CCDC181: variants seen among roughly 807,000 people sequenced by gnomAD.
The protein encoded by CCDC181 is coiled-coil domain containing 181.
CCDC181 carries 35 observed loss-of-function variants against 58.7 expected under a neutral mutation model. The observed-to-expected ratio is 0.60, with a 90% CI of 0.46 to 0.79. The LOEUF (loss-of-function observed/expected upper bound fraction) is 0.79. CCDC181 is among the 30% of genes least tolerant of loss of function. The pLI, the probability that CCDC181 is intolerant of heterozygous loss-of-function variation, is 0.00. For missense variants in CCDC181, 517 were observed against 583.9 expected, an observed-to-expected ratio of 0.89 and a Z score of 1.18; for synonymous variants, 183 against 197.5, an observed-to-expected ratio of 0.93 and a Z score of 0.62.
intron 4 of CCDC181, among the ~76,000 whole-genome samples, chr1:169,410,616 T>C (rs1174685739): frequency 1.3e-5 from 2 of 152,206 alleles, no homozygotes; most frequent in Non-Finnish European, 2.9e-5. Flanking sequence ...ATTGCACTTA[T>C]TCTAAAATTG....
intron 4 of CCDC181, among the ~76,000 whole-genome samples, chr1:169,418,205 T>C (rs1481183477): frequency 4.6e-5 from 7 of 152,200 alleles, no homozygotes; most frequent in Non-Finnish European, 1.0e-4. Flanking sequence ...ATGTACCTCT[T>C]CACTACAGCA....
At chr1:169,428,775 C>T (rs10465577), upstream of CCDC181, among the ~76,000 whole-genome samples, 1 of 152,098 alleles carries the variant, frequency 6.6e-6, no homozygotes, top group African/African-American at 2.4e-5. Context: ...TGTGCCTTAG[C>T]CCCCAGAGTA....
At chr1:169,428,782 A>G (rs906116709), upstream of CCDC181, among the ~76,000 whole-genome samples, 1 of 152,146 alleles carries the variant, frequency 6.6e-6, no homozygotes, top group African/African-American at 2.4e-5. Flanking sequence ...TAGCCCCCAG[A>G]GTAGCTGAAA....
At chr1:169,419,226 G>C (rs779625470) in intron 3 of CCDC181, 67 bp from the exon 4 acceptor site, 4 of 1,429,858 alleles carry the variant, frequency 2.8e-6, no homozygotes, top group Non-Finnish European at 2.8e-6. Flanking sequence ...TCAGAGTAGA[G>C]AGATATATTT....
chr1:169,436,637 GCA>G (rs1190624895), intron 2 of CCDC181, among the ~76,000 whole-genome samples: 2 of 152,160 alleles, frequency 1.3e-5, no homozygotes, highest in African/African-American at 4.8e-5. Context: ...ACATTAAATT[GCA>G]ATATCGTACA....
intron 4 of CCDC181, among the ~76,000 whole-genome samples, chr1:169,407,080 T>G (rs1288292673): frequency 1.4e-5 from 2 of 146,094 alleles, no homozygotes; most frequent in African/African-American, 2.5e-5. Context: ...AAAAAGCCTT[T>G]GAAGAAACAG....
chr1:169,423,063 T>A (rs915303446), intron 2 of CCDC181, among the ~76,000 whole-genome samples: 5 of 34,464 alleles, frequency 1.5e-4, no homozygotes, highest in Admixed American at 1.4e-3. Context: ...TATAAATATT[T>A]TATATATATA....
chr1:169,421,559 A>C lies in CCDC181; in HGVS notation c.872T>G (p.Ile291Ser). ...HSSTGEPLAY[I>S]AQPPLNRKTC... ...CTTGCGGTTGAGTGGTGGCTGAGCG[A>C]TATAAGCCAGCGGCTCTCCTGTTGA... The change falls in exon 3 of 6, where the codon ATC (isoleucine) becomes AGC (serine). Residue 291 changes from isoleucine to serine, a missense_variant. Physicochemically the swap from Ile to Ser is moderately radical, Grantham distance 142. Transcript: ENST00000367806. 1 of 1,614,098 alleles carries C rather than the reference A, an allele frequency of 6.2e-7. No homozygotes were observed. The highest frequency in any genetic ancestry group is 8.5e-7 in the Non-Finnish European group (1 of 1,180,002).
chr1:169,436,605 T>C (rs575686761), intron 2 of CCDC181, among the ~76,000 whole-genome samples: 1 of 152,316 alleles, frequency 6.6e-6, no homozygotes, highest in East Asian at 1.9e-4. Context: ...TTTTTGTCTC[T>C]TCTAACGGCA....
chr1:169,437,227 G>A (rs962374071), intron 2 of CCDC181, among the ~76,000 whole-genome samples: 3 of 152,162 alleles, frequency 2.0e-5, no homozygotes, highest in African/African-American at 7.2e-5. Context: ...GATCTGAGTG[G>A]TGCCAGCTGA....
chr1:169,449,366 G>A lies in CCDC181; in HGVS notation c.-24+10431C>T, dbSNP rs1024424163. Among the ~76,000 whole-genome samples the A allele has an allele frequency of 1.2e-4, 18 of 152,228 alleles. No individual in the cohort carries two copies. In the South Asian group the frequency reaches 1.2e-3, roughly 11 times the overall value. ...TAAGCTTCCAATTTCTCTAGTATCC[G>A]TTTTCCTTCCTATAGTATTTGGGCC... On this transcript the variant is annotated intron_variant, in intron 2 of 6. Coordinates refer to the CCDC181 transcript ENST00000545005.
chr1:169,437,892 G>A (rs1022593964), intron 2 of CCDC181, among the ~76,000 whole-genome samples: 2 of 152,142 alleles, frequency 1.3e-5, no homozygotes, highest in Non-Finnish European at 2.9e-5. Flanking sequence ...TAATGTTTAG[G>A]GCTAACTATG....
At position 169,395,113 on chromosome 1, in the gene CCDC181, T is replaced by G; in HGVS notation, c.1464A>C (p.Lys488Asn). Residue 488 changes from lysine to asparagine, a missense_variant, in exon 6 of 6, where the codon AAA (lysine) becomes AAC (asparagine). By Grantham distance (94) the Lys-to-Asn change is moderately conservative. Coordinates refer to ENST00000367806, the MANE Select transcript of CCDC181 (RefSeq NM_001300969.2). ...RQLRLEAKRSKQLQHHLYMSE... is the reference protein window; with the variant it reads ...RQLRLEAKRSNQLQHHLYMSE... ...ACATATATAGGTGGTGCTGTAACTG[T>G]TTAGAACGCTTAGCTTCTAGTCGGA... 3.1e-6 allele frequency: 5 copies of G among 1,613,822 alleles called. No homozygotes were observed. The highest frequency in any genetic ancestry group is 4.2e-6 in the Non-Finnish European group (5 of 1,179,882).
chr1:169,453,061 CTT>C (rs1023151702), intron 2 of CCDC181, among the ~76,000 whole-genome samples: 5 of 150,622 alleles, frequency 3.3e-5, no homozygotes, highest in East Asian at 1.9e-4. Flanking sequence ...GCAAAATAGA[CTT>C]GAGAAAGAAT....
At chr1:169,423,548 T>C (rs1280941348) in intron 2 of CCDC181, among the ~76,000 whole-genome samples, 1 of 152,064 alleles carries the variant, frequency 6.6e-6, no homozygotes, top group Non-Finnish European at 1.5e-5. Flanking sequence ...GAGGTTGTTA[T>C]AATCATCCGC....
chr1:169,397,622 C>T (rs1256586848), intron 4 of CCDC181, among the ~76,000 whole-genome samples: 3 of 151,980 alleles, frequency 2.0e-5, no homozygotes, highest in Admixed American at 1.3e-4. Context: ...AACTGTAGTT[C>T]CTATTGTAAA....
At chr1:169,433,966 G>A (rs1656987447) in intron 2 of CCDC181, among the ~76,000 whole-genome samples, 2 of 151,940 alleles carry the variant, frequency 1.3e-5, no homozygotes, top group African/African-American at 4.8e-5. Flanking sequence ...TTGCTCACTA[G>A]ACATTATCAG....
chr1:169,405,514 C>G (rs1299871925), intron 4 of CCDC181, among the ~76,000 whole-genome samples: 1 of 152,184 alleles, frequency 6.6e-6, no homozygotes, highest in African/African-American at 2.4e-5. Flanking sequence ...ATATCTACAA[C>G]CATCTGATCT....
intron 4 of CCDC181, among the ~76,000 whole-genome samples, chr1:169,418,332 G>T (rs1339575781): frequency 6.6e-6 from 1 of 152,000 alleles, no homozygotes; most frequent in Non-Finnish European, 1.5e-5. Flanking sequence ...AAATGTAATG[G>T]CTTAGAAAGA....
Sources: gnomAD v4.1 joint callset for allele counts (sites outside exome capture counted in the v4.1 genomes callset) on GRCh38, gnomAD v4.1.1 for gene constraint, MANE v1.5 for transcripts, NCBI Gene and HGNC (gene_info 2026-07-23, HGNC 2026-07-21) for gene names.